HYCC1: variants seen among roughly 807,000 people sequenced by gnomAD.
HYCC1 encodes the protein hyccin PI4KA lipid kinase complex subunit 1, also known as hyccin.
chr7:22,970,352 T>C, the HYCC1 span, among the ~76,000 whole-genome samples: 1 of 152,212 alleles, frequency 6.6e-6, no homozygotes, highest in Admixed American at 6.5e-5. Flanking sequence ...TATCAAATCA[T>C]AAATCTGAGT....
chr7:22,937,367 A>AT, the HYCC1 span: 1 of 152,230 alleles, frequency 6.6e-6, no homozygotes, highest in Non-Finnish European at 1.5e-5. Context: ...TTGTTTTCTG[A>AT]TTAGTCCAGA....
At chr7:22,909,090 T>C in the HYCC1 span, among the ~76,000 whole-genome samples, 1 of 152,338 alleles carries the variant, frequency 6.6e-6, no homozygotes, top group East Asian at 1.9e-4. Flanking sequence ...TCCTGGGCTC[T>C]GCCTGATATG....
the HYCC1 span, among the ~76,000 whole-genome samples, chr7:22,911,947 C>T: frequency 6.6e-6 from 1 of 152,110 alleles, no homozygotes; most frequent in Non-Finnish European, 1.5e-5. Context: ...GTGTTTGAAG[C>T]TTGGCTAGTG....
At chr7:23,013,887 C>A in the HYCC1 span, 5 of 461,508 alleles carry the variant, frequency 1.1e-5, no homozygotes, top group Non-Finnish European at 2.2e-5. Context: ...TTGCCGGACG[C>A]CCTGGGGGCC....
At chr7:22,907,836 C>T in the HYCC1 span, among the ~76,000 whole-genome samples, 3 of 152,228 alleles carry the variant, frequency 2.0e-5, no homozygotes, top group South Asian at 2.1e-4. Context: ...CGCTTGAACC[C>T]GGGAGGCGGA....
At chr7:22,908,412 T>C in the HYCC1 span, among the ~76,000 whole-genome samples, 1 of 152,236 alleles carries the variant, frequency 6.6e-6, no homozygotes, top group Non-Finnish European at 1.5e-5. Flanking sequence ...CAGACACGAT[T>C]TGGCATTTCT....
the HYCC1 span, among the ~76,000 whole-genome samples, chr7:22,913,628 C>T: frequency 5.1e-3 from 783 of 152,282 alleles, 3 homozygotes; most frequent in Non-Finnish European, 6.2e-3. Flanking sequence ...CCCTTGTGAC[C>T]CCTGCCCCTG....
the HYCC1 span, chr7:22,935,385 C>T: frequency 0.43 from 65,043 of 151,870 alleles, 14,173 homozygotes; most frequent in Non-Finnish European, 0.47. Flanking sequence ...GGTTTGAATC[C>T]GTGCTGAATT....
chr7:22,926,532 C>A, the HYCC1 span, among the ~76,000 whole-genome samples: 33 of 152,146 alleles, frequency 2.2e-4, no homozygotes, highest in Non-Finnish European at 3.5e-4. Flanking sequence ...GGGTTCCAAT[C>A]CTAGTCTCAG....
At chr7:22,978,206 G>C in the HYCC1 span, 1 of 1,440,486 alleles carries the variant, frequency 6.9e-7, no homozygotes, top group African/African-American at 1.4e-5. Flanking sequence ...ATGAAAAGCA[G>C]TTGCACAGGT....
chr7:22,967,299 GA>G, the HYCC1 span, among the ~76,000 whole-genome samples: 8 of 152,196 alleles, frequency 5.3e-5, no homozygotes, highest in Admixed American at 5.2e-4. Context: ...GGAATTCTCA[GA>G]AAAGAGATTC....
the HYCC1 span, among the ~76,000 whole-genome samples, chr7:22,954,967 T>C: frequency 4.0e-5 from 6 of 151,556 alleles, no homozygotes; most frequent in African/African-American, 1.4e-4. Flanking sequence ...AACATAAATT[T>C]TGTCTATGTA....
At chr7:22,960,291 C>G in the HYCC1 span, 2 of 1,613,790 alleles carry the variant, frequency 1.2e-6, no homozygotes, top group Non-Finnish European at 1.7e-6. Flanking sequence ...TATTGACATG[C>G]TGGTTACTGC....
At chr7:22,900,153 A>AT in the HYCC1 span, among the ~76,000 whole-genome samples, 1 of 152,212 alleles carries the variant, frequency 6.6e-6, no homozygotes, top group Non-Finnish European at 1.5e-5. Context: ...ATTTAATGTA[A>AT]TTTTTTAAAG....
the HYCC1 span, among the ~76,000 whole-genome samples, chr7:22,961,828 T>G: frequency 3.9e-5 from 6 of 151,922 alleles, no homozygotes; most frequent in Non-Finnish European, 8.8e-5. Context: ...AGGGAAAAAG[T>G]GTGTGTGCAT....
At chr7:22,922,759 A>G in the HYCC1 span, among the ~76,000 whole-genome samples, 1 of 152,222 alleles carries the variant, frequency 6.6e-6, no homozygotes, top group Non-Finnish European at 1.5e-5. Flanking sequence ...AAAAAACTAC[A>G]GTGGCCATAC....
At chr7:23,005,161 C>T in the HYCC1 span, among the ~76,000 whole-genome samples, 1 of 152,074 alleles carries the variant, frequency 6.6e-6, no homozygotes. Context: ...TTATAAGCCC[C>T]CAGTGTTTTA....
chr7:22,923,870 T>C, the HYCC1 span, among the ~76,000 whole-genome samples: 7 of 150,748 alleles, frequency 4.6e-5, no homozygotes, highest in African/African-American at 7.3e-5. Context: ...TAAAAAGAAA[T>C]AGAAGGCTGG....
the HYCC1 span, among the ~76,000 whole-genome samples, chr7:22,999,074 C>G: frequency 6.6e-6 from 1 of 152,146 alleles, no homozygotes; most frequent in African/African-American, 2.4e-5. Flanking sequence ...GGCACTGCAT[C>G]TGTGAACCAA....
Sources: allele counts gnomAD v4.1 joint callset (sites outside exome capture counted in the v4.1 genomes callset), GRCh38; gene constraint gnomAD v4.1.1; transcripts MANE v1.5; gene names NCBI Gene and HGNC (gene_info 2026-07-23, HGNC 2026-07-21).